Variants in C6orf89 observed in about 807,000 individuals in gnomAD.
C6orf89 encodes the protein chromosome 6 open reading frame 89, also known as bombesin receptor-activated protein C6orf89.
Under a neutral mutation model 40.7 loss-of-function variants are expected in C6orf89, and 29 were observed. The ratio of observed to expected loss-of-function variants is 0.71; its 90% CI spans 0.53 to 0.97. C6orf89 has a LOEUF of 0.97. Among genes scored for constraint, C6orf89 ranks in the 50% least tolerant of loss-of-function variants. The pLI, the probability that C6orf89 is intolerant of heterozygous loss-of-function variation, is 0.00. For synonymous variants in C6orf89, 165 were observed against 152.2 expected (o/e 1.08, Z -0.62); for missense variants, 392 against 429.1 (o/e 0.91, Z 0.76).
chr6:36,912,813 G>A (rs1255373042), intron 4 of C6orf89, among the ~76,000 whole-genome samples: 5 of 152,220 alleles, frequency 3.3e-5, no homozygotes. Flanking sequence ...TTTCCCTGAC[G>A]AGGATTTCCT....
At position 36,922,957 on chromosome 6, in the gene C6orf89, G is replaced by A. The variant is rs150986374; in HGVS notation, c.950-390G>A. On this transcript the variant is annotated intron_variant, in intron 8 of 8. Coordinates refer to ENST00000480824, the MANE Select transcript of C6orf89 (RefSeq NM_001286635.2). ...TGTGATTCACAGTTCCCTGGGTGAG[G>A]GGTGGTGATAAAGCATTTAAAGAGG... Among the ~76,000 whole-genome samples, 881 of 152,256 alleles carry A rather than the reference G, an allele frequency of 5.8e-3. 7 individuals carry two copies. The highest frequency in any genetic ancestry group is 0.019 in the African/African-American group (797 of 41,540).
In C6orf89 at chr6:36,925,865, G is replaced by A. The variant is rs1369550387; in HGVS notation, c.*2424G>A. The A allele has an allele frequency of 6.6e-6, 1 of 152,166 alleles. No homozygotes were observed. The highest frequency in any genetic ancestry group is 2.4e-5 in the African/African-American group (1 of 41,430). 9.4% of individuals were successfully genotyped at this position (152,166 alleles called of 1,614,324 possible). On this transcript the variant is annotated 3_prime_UTR_variant, in exon 9 of 9. Coordinates refer to ENST00000480824, the MANE Select transcript of C6orf89 (RefSeq NM_001286635.2). ...AAGAGGGTTGTCAGGATGAGAAAGT[G>A]GGGCTGCAGGGTGACGATAAGACCA...
In C6orf89 at chr6:36,874,036, A is replaced by G. The variant is rs533850447; in HGVS notation, c.-628+2069A>G. Among the ~76,000 whole-genome samples, 67 of 152,360 alleles carry G rather than the reference A, an allele frequency of 4.4e-4. 2 individuals carry two copies. The South Asian group carries it at 0.013, about 31-fold the overall frequency. On this transcript the variant is annotated intron_variant, in intron 1 of 9. Transcript: ENST00000359359. ...CTAAAGGATCTAGCAAGGTGAGACG[A>G]GCACACCAGGCTCCAAACGAGGTTC...
intron 4 of C6orf89, among the ~76,000 whole-genome samples, chr6:36,908,703 G>A (rs1025795538): frequency 1.3e-5 from 2 of 152,126 alleles, no homozygotes; most frequent in Admixed American, 6.5e-5. Flanking sequence ...ATCACAGGCC[G>A]AGCAGCTTAA....
At position 36,902,346 on chromosome 6, in the gene C6orf89, G is replaced by A. The variant is rs1452730338; in HGVS notation, c.315G>A (p.Arg105=). The change falls in exon 4 of 9, where the codon AGG becomes AGA. Residue 105 remains arginine, a synonymous_variant. Coordinates refer to ENST00000480824, the MANE Select transcript of C6orf89 (RefSeq NM_001286635.2). ...GGCGCTCACTCATCCATCACATTAG[G>A]CTGATGTCCTTGCCCATTGCCAAGA... ...HTWRSLIHHI[R]LMSLPIAKKY... 1 of 1,614,066 alleles carries A rather than the reference G, an allele frequency of 6.2e-7. No individual in the cohort carries two copies. The highest frequency in any genetic ancestry group is 1.7e-5 in the Admixed American group (1 of 60,006).
chr6:36,911,442 A>T (rs1305754388), intron 4 of C6orf89, among the ~76,000 whole-genome samples: 1 of 152,024 alleles, frequency 6.6e-6, no homozygotes, highest in African/African-American at 2.4e-5. Context: ...GTGAGCCGAG[A>T]TCGCGCCACT....
chr6:36,902,130 TAGC>T, intron 3 of C6orf89, 88 bp from the exon 4 acceptor site: 5 of 1,042,962 alleles, frequency 4.8e-6, no homozygotes, highest in Non-Finnish European at 7.3e-6. Context: ...ACATTGGAAG[TAGC>T]AGAAGAAGCC....
Position 36,923,347 on chromosome 6 carries a change from G to A in C6orf89, c.950G>A (p.Gly317Asp). Reference sequence around the variant, plus strand: ...CTTCCTCTTGCTATTTCCCCTCAAGGCTATGTCGACACCACCCACTGGAAG... The same window carrying A: ...CTTCCTCTTGCTATTTCCCCTCAAGACTATGTCGACACCACCCACTGGAAG... Reference protein sequence around the residue: ...VAMPIEPGDIGYVDTTHWKVY... With the variant: ...VAMPIEPGDIDYVDTTHWKVY... The change falls in exon 9 of 9, where the codon GGC becomes GAC. Residue 317 changes from glycine (G) to aspartate (D), a missense_variant and splice_region_variant. Gly to Asp is a moderately conservative substitution (Grantham distance 94). Coordinates refer to ENST00000480824, the MANE Select transcript of C6orf89 (RefSeq NM_001286635.2). 6.2e-7 allele frequency: 1 copy of A among 1,613,106 alleles called. No homozygotes were observed. The highest frequency in any genetic ancestry group is 8.5e-7 in the Non-Finnish European group (1 of 1,179,156).
At chr6:36,894,106 T>C (rs1761333445) in intron 1 of C6orf89, among the ~76,000 whole-genome samples, 1 of 151,744 alleles carries the variant, frequency 6.6e-6, no homozygotes, top group Non-Finnish European at 1.5e-5. Context: ...TCAAAAATAA[T>C]GATGATTAAT....
intron 1 of C6orf89, among the ~76,000 whole-genome samples, chr6:36,894,011 G>A (rs372331580): frequency 1.4e-5 from 2 of 141,460 alleles, no homozygotes; most frequent in South Asian, 4.4e-4. Flanking sequence ...GCAACACAGC[G>A]AGACTCTGTC....
intron 4 of C6orf89, among the ~76,000 whole-genome samples, chr6:36,907,630 A>G (rs1301112463): frequency 6.6e-6 from 1 of 152,164 alleles, no homozygotes; most frequent in Non-Finnish European, 1.5e-5. Context: ...TATAAGCTTT[A>G]TTGAACTTTT....
At chr6:36,907,345 C>T (rs1269082274) in intron 4 of C6orf89, among the ~76,000 whole-genome samples, 1 of 151,782 alleles carries the variant, frequency 6.6e-6, no homozygotes, top group East Asian at 1.9e-4. Context: ...TAACAGTACT[C>T]TCCCCACTCA....
At chr6:36,877,184 T>C (rs1394280008) in intron 1 of C6orf89, among the ~76,000 whole-genome samples, 1 of 152,274 alleles carries the variant, frequency 6.6e-6, no homozygotes, top group Non-Finnish European at 1.5e-5. Flanking sequence ...CAATGTATAA[T>C]GGTGCTGCGA....
chr6:36,895,732 T>G (rs1350232756), intron 2 of C6orf89, among the ~76,000 whole-genome samples: 1 of 152,232 alleles, frequency 6.6e-6, no homozygotes, highest in Non-Finnish European at 1.5e-5. Context: ...TACCACATTG[T>G]GATTATCCTT....
intron 1 of C6orf89, chr6:36,874,743 C>T: frequency 6.2e-7 from 1 of 1,614,146 alleles, no homozygotes; most frequent in Non-Finnish European, 8.5e-7. Flanking sequence ...CGTTGGGTGG[C>T]TGCCAGGAAT....
chr6:36,899,579 G>T lies in C6orf89; in HGVS notation c.135G>T (p.Lys45Asn). The stretch of plus-strand genomic sequence containing the variant: ...AATTTATCAGACAGCTGCTGGAAAA[G>T]AATGAACCTCAGAGACCCCCCCCGC... ...IEKFIRQLLE[K>N]NEPQRPPPQY... Residue 45 changes from lysine (K) to asparagine (N), a missense_variant, in exon 3 of 9, where the codon AAG becomes AAT. Lys to Asn is a moderately conservative substitution (Grantham distance 94). Coordinates refer to ENST00000480824, the MANE Select transcript of C6orf89 (RefSeq NM_001286635.2). 1 of 1,614,152 alleles carries T rather than the reference G, an allele frequency of 6.2e-7. No individual in the cohort carries two copies. Among genetic ancestry groups the T allele is most frequent in the Non-Finnish European group, 8.5e-7 (1 of 1,180,016 alleles).
At chr6:36,877,147 G>A (rs1045857054) in intron 1 of C6orf89, among the ~76,000 whole-genome samples, 1 of 152,124 alleles carries the variant, frequency 6.6e-6, no homozygotes, top group African/African-American at 2.4e-5. Context: ...TCCTTGCTGT[G>A]TAGTATTCTG....
At chr6:36,880,168 G>A (rs73418182) in intron 2 of C6orf89, among the ~76,000 whole-genome samples, 1,562 of 152,190 alleles carry the variant, frequency 0.01, 26 homozygotes, top group African/African-American at 0.036. Context: ...ATTTGGCCTG[G>A]GTAAAATCAG....
At chr6:36,914,486 G>A (rs1315843803) in intron 5 of C6orf89, 51 bp downstream of exon 5, 1 of 1,612,396 alleles carries the variant, frequency 6.2e-7, no homozygotes, top group Non-Finnish European at 8.5e-7. Context: ...TTAAAGGCTA[G>A]GTCAAGCTCT....
Sources: gnomAD v4.1 joint callset for allele counts (sites outside exome capture counted in the v4.1 genomes callset) on GRCh38, gnomAD v4.1.1 for gene constraint, MANE v1.5 for transcripts, NCBI Gene and HGNC (gene_info 2026-07-23, HGNC 2026-07-21) for gene names.